The following GRM8 variants were observed in gnomAD, a reference collection of about 807,000 sequenced individuals.
GRM8 encodes metabotropic glutamate receptor 8.
GRM8 carries 47 observed loss-of-function variants against 87.2 expected under a neutral mutation model. The observed-to-expected ratio is 0.54, with a 90% CI of 0.43 to 0.69. The LOEUF (loss-of-function observed/expected upper bound fraction) is 0.69. Ranked by LOEUF, GRM8 falls within the 30% of genes least tolerant of loss-of-function variation. The pLI, the probability that GRM8 is intolerant of heterozygous loss-of-function variation, is 0.00. For missense variants in GRM8, 1,019 were observed against 1,139.2 expected, an observed-to-expected ratio of 0.89 and a Z score of 1.52; for synonymous variants, 396 against 404.5, an observed-to-expected ratio of 0.98 and a Z score of 0.25.
chr7:126,987,584 C>A (rs1163092644), intron 3 of GRM8, among the ~76,000 whole-genome samples: 3 of 152,108 alleles, frequency 2.0e-5, no homozygotes, highest in African/African-American at 7.2e-5. Flanking sequence ...CCTCAGCCTC[C>A]CGAGTACCTG....
At chr7:126,911,866 C>T (rs768096506) in intron 3 of GRM8, among the ~76,000 whole-genome samples, 21 of 152,248 alleles carry the variant, frequency 1.4e-4, no homozygotes, top group Non-Finnish European at 1.9e-4. Context: ...CCACATGCTG[C>T]CCACATAGCT....
intron 7 of GRM8, among the ~76,000 whole-genome samples, chr7:126,702,840 A>T (rs1461801991): frequency 1.3e-5 from 2 of 152,188 alleles, no homozygotes; most frequent in Non-Finnish European, 2.9e-5. Flanking sequence ...GGTTTCTGTT[A>T]TCTGTCACAG....
intron 7 of GRM8, among the ~76,000 whole-genome samples, chr7:126,733,050 T>TG (rs1813789029): frequency 6.6e-6 from 1 of 152,042 alleles, no homozygotes; most frequent in Non-Finnish European, 1.5e-5. Flanking sequence ...TGTTAGTGTG[T>TG]TTTACATGTG....
chr7:126,899,480 C>T (rs1397608836), intron 6 of GRM8, among the ~76,000 whole-genome samples: 1 of 152,156 alleles, frequency 6.6e-6, no homozygotes, highest in Non-Finnish European at 1.5e-5. Flanking sequence ...TGTCATCAAA[C>T]ACTCATCTCC....
At chr7:126,905,513 A>G (rs1802588357) in intron 3 of GRM8, among the ~76,000 whole-genome samples, 1 of 152,240 alleles carries the variant, frequency 6.6e-6, no homozygotes, top group Non-Finnish European at 1.5e-5. Context: ...CAACTGCATT[A>G]TGGTATAAAC....
At chr7:126,662,300 G>A (rs1805265095) in intron 7 of GRM8, among the ~76,000 whole-genome samples, 1 of 152,064 alleles carries the variant, frequency 6.6e-6, no homozygotes, top group African/African-American at 2.4e-5. Context: ...GAAAATGAAA[G>A]AAACCATAGG....
At chr7:127,153,871 G>A (rs1245002187) in intron 2 of GRM8, among the ~76,000 whole-genome samples, 1 of 152,104 alleles carries the variant, frequency 6.6e-6, no homozygotes, top group African/African-American at 2.4e-5. Flanking sequence ...ATTTGATAGT[G>A]AAGGCCAACA....
intron 3 of GRM8, among the ~76,000 whole-genome samples, chr7:127,082,880 C>T (rs749918419): frequency 2.0e-5 from 3 of 152,150 alleles, no homozygotes; most frequent in Non-Finnish European, 4.4e-5. Flanking sequence ...AACATAGTCA[C>T]GCAGTGATGT....
At chr7:127,059,505 TTTTG>T (rs904622248) in intron 3 of GRM8, among the ~76,000 whole-genome samples, 3 of 151,932 alleles carry the variant, frequency 2.0e-5, no homozygotes, top group African/African-American at 7.3e-5. Context: ...CCCAGCTAAT[TTTTG>T]TATTTTTAGT....
chr7:126,758,382 T>A (rs2214159), intron 7 of GRM8, among the ~76,000 whole-genome samples: 1 of 151,946 alleles, frequency 6.6e-6, no homozygotes, highest in East Asian at 1.9e-4. Context: ...ATAAATAACT[T>A]ATCCAAGATC....
chr7:126,476,687 CAAT>C (rs1294946347), intron 9 of GRM8, among the ~76,000 whole-genome samples: 1 of 151,896 alleles, frequency 6.6e-6, no homozygotes, highest in African/African-American at 2.4e-5. Context: ...ATCAAAACAA[CAAT>C]GACACATTAC....
At chr7:127,127,028 T>A (rs570469219) in intron 2 of GRM8, among the ~76,000 whole-genome samples, 1 of 152,128 alleles carries the variant, frequency 6.6e-6, no homozygotes, top group African/African-American at 2.4e-5. Context: ...GAGATATAAC[T>A]ACATACTTAC....
chr7:126,439,372 G>A (rs182483681), intron 10 of GRM8, among the ~76,000 whole-genome samples: 133 of 152,148 alleles, frequency 8.7e-4, no homozygotes, highest in African/African-American at 3.1e-3. Flanking sequence ...TATAAAGGTG[G>A]TCCCATGAGA....
chr7:127,203,002 C>T (rs17862317), intron 2 of GRM8, among the ~76,000 whole-genome samples: 25,521 of 152,100 alleles, frequency 0.17, 2,317 homozygotes, highest in Non-Finnish European at 0.2. Context: ...AATTAGAAGA[C>T]AGACCTAAGA....
At chr7:126,844,483 C>T (rs138166651) in intron 6 of GRM8, among the ~76,000 whole-genome samples, 2 of 152,288 alleles carry the variant, frequency 1.3e-5, no homozygotes, top group East Asian at 1.9e-4. Flanking sequence ...TGTACATGAT[C>T]TCTTTTAGTC....
intron 2 of GRM8, among the ~76,000 whole-genome samples, chr7:127,137,675 T>G (rs1324463437): frequency 6.6e-6 from 1 of 152,086 alleles, no homozygotes. Context: ...CATCTTTGGG[T>G]TTGTCTGGGT....
chr7:126,526,734 AAAAAAC>A (rs1813903222), intron 9 of GRM8, among the ~76,000 whole-genome samples: 1 of 152,158 alleles, frequency 6.6e-6, no homozygotes, highest in Non-Finnish European at 1.5e-5. Context: ...GCACAATCAG[AAAAAAC>A]AAAAACAAAA....
At chr7:126,837,291 C>T (rs1456092569) in intron 6 of GRM8, among the ~76,000 whole-genome samples, 1 of 152,112 alleles carries the variant, frequency 6.6e-6, no homozygotes, top group Non-Finnish European at 1.5e-5. Context: ...AGACTATTTC[C>T]TTTAATAAAG....
At chr7:126,684,996 G>T (rs1474086831) in intron 7 of GRM8, among the ~76,000 whole-genome samples, 3 of 152,190 alleles carry the variant, frequency 2.0e-5, no homozygotes, top group African/African-American at 7.2e-5. Flanking sequence ...GGCACAAGTG[G>T]TAGCAGCAGG....
Sources: allele counts gnomAD v4.1 joint callset (sites outside exome capture counted in the v4.1 genomes callset), GRCh38; gene constraint gnomAD v4.1.1; transcripts MANE v1.5; gene names NCBI Gene and HGNC (gene_info 2026-07-23, HGNC 2026-07-21).